Variants in TUBA4B observed in about 807,000 individuals in gnomAD.
TUBA4B encodes tubulin alpha 4b.
TUBA4B carries 13 observed loss-of-function variants against 18.4 expected under a neutral mutation model. The ratio of observed to expected loss-of-function variants is 0.71; its 90% CI spans 0.46 to 1.12. TUBA4B has a LOEUF of 1.12. TUBA4B is among the 50% of genes most tolerant of loss of function. TUBA4B has a pLI of 0.00. For missense variants in TUBA4B, 244 were observed against 250.0 expected, an observed-to-expected ratio of 0.98 and a Z score of 0.16; for synonymous variants, 101 against 99.1, an observed-to-expected ratio of 1.02 and a Z score of -0.11.
intron 2 of TUBA4B, among the ~76,000 whole-genome samples, chr2:219,268,105 C>CTTTTT (rs544596055): frequency 9.3e-5 from 11 of 118,716 alleles, no homozygotes; most frequent in East Asian, 8.3e-4. Flanking sequence ...AACTCATTAT[C>CTTTTT]TTTTTTTTTT....
intron 1 of TUBA4B, among the ~76,000 whole-genome samples, chr2:219,260,972 A>AAAATAAAT (rs371755421): frequency 1.3e-5 from 2 of 151,984 alleles, no homozygotes; most frequent in Admixed American, 6.6e-5. Flanking sequence ...TTCATCTAAA[A>AAAATAAAT]AAATAAATAA....
At chr2:219,255,535 A>AT (rs781422330) in intron 1 of TUBA4B, among the ~76,000 whole-genome samples, 4 of 151,704 alleles carry the variant, frequency 2.6e-5, no homozygotes, top group Non-Finnish European at 5.9e-5. Context: ...ACCCGGCCTT[A>AT]TTTTTTGTAT....
intron 1 of TUBA4B, among the ~76,000 whole-genome samples, chr2:219,255,510 G>A (rs1951711286): frequency 6.6e-6 from 1 of 152,120 alleles, no homozygotes; most frequent in African/African-American, 2.4e-5. Flanking sequence ...TGGGATTACA[G>A]GTGTGAGCCC....
intron 1 of TUBA4B, 42 bp downstream of exon 1, chr2:219,253,461 C>G: frequency 7.0e-7 from 1 of 1,421,608 alleles, no homozygotes; most frequent in South Asian, 1.2e-5. Flanking sequence ...AGCACGTGCT[C>G]GGTCAGTGCT....
intron 1 of TUBA4B, among the ~76,000 whole-genome samples, chr2:219,263,290 T>A (rs556096153): frequency 1.3e-5 from 2 of 152,244 alleles, no homozygotes; most frequent in African/African-American, 4.8e-5. Context: ...GTCAGGAGTT[T>A]GAAACCAGCC....
intron 2 of TUBA4B, among the ~76,000 whole-genome samples, 197 bp downstream of exon 2, chr2:219,266,763 T>A (rs1574893634): frequency 1.3e-5 from 2 of 149,434 alleles, no homozygotes; most frequent in African/African-American, 2.5e-5. Flanking sequence ...TCACAGGGGG[T>A]AGGGAAGGAA....
At chr2:219,269,095 T>C (rs1332558132) in intron 2 of TUBA4B, among the ~76,000 whole-genome samples, 1 of 152,152 alleles carries the variant, frequency 6.6e-6, no homozygotes, top group Non-Finnish European at 1.5e-5. Context: ...TGAGATTCTG[T>C]CTCAAGAAAA....
chr2:219,257,276 C>T (rs1211016468), intron 1 of TUBA4B, among the ~76,000 whole-genome samples: 1 of 148,862 alleles, frequency 6.7e-6, no homozygotes, highest in Non-Finnish European at 1.5e-5. Context: ...CTCCTGACCT[C>T]GTGATCCACC....
intron 1 of TUBA4B, chr2:219,254,013 C>T: frequency 1.4e-6 from 1 of 734,262 alleles, no homozygotes; most frequent in Non-Finnish European, 2.0e-6. Context: ...CCGCAGGCCA[C>T]GCCTCCCGGG....
chr2:219,257,821 A>C (rs571897721), intron 1 of TUBA4B, among the ~76,000 whole-genome samples: 2 of 147,998 alleles, frequency 1.4e-5, no homozygotes, highest in East Asian at 3.9e-4. Context: ...GTCTCAAAAA[A>C]AAAATATATA....
chr2:219,263,270 A>G (rs1248833074), intron 1 of TUBA4B, among the ~76,000 whole-genome samples: 1 of 152,154 alleles, frequency 6.6e-6, no homozygotes, highest in Non-Finnish European at 1.5e-5. Context: ...AGGCAGATGG[A>G]TCATCTGAGG....
intron 1 of TUBA4B, among the ~76,000 whole-genome samples, chr2:219,263,114 C>T (rs978863327): frequency 1.3e-5 from 2 of 152,176 alleles, no homozygotes; most frequent in African/African-American, 2.4e-5. Flanking sequence ...GCTTGGCATA[C>T]AGCAAGCACT....
chr2:219,256,977 T>C (rs1340954808), intron 1 of TUBA4B, among the ~76,000 whole-genome samples: 1 of 150,922 alleles, frequency 6.6e-6, no homozygotes, highest in Non-Finnish European at 1.5e-5. Flanking sequence ...GATTCTCCCC[T>C]AGAATTTCCA....
At chr2:219,257,109 T>C (rs1369048177) in intron 1 of TUBA4B, among the ~76,000 whole-genome samples, 2 of 144,002 alleles carry the variant, frequency 1.4e-5, no homozygotes, top group African/African-American at 2.6e-5. Context: ...AGTGGCGCGA[T>C]CTCGGCTCAC....
At chr2:219,266,054 G>T (rs1404475169) in intron 1 of TUBA4B, among the ~76,000 whole-genome samples, 1 of 152,126 alleles carries the variant, frequency 6.6e-6, no homozygotes, top group Non-Finnish European at 1.5e-5. Context: ...TCTCTTGGCC[G>T]AGGACTCATT....
intron 1 of TUBA4B, chr2:219,254,556 C>G (rs946192911): frequency 6.6e-6 from 1 of 152,308 alleles, no homozygotes; most frequent in Non-Finnish European, 1.5e-5. Flanking sequence ...CGGGGCCGAC[C>G]CCGGAATCTG....
chr2:219,255,639 G>A (rs1303658742), intron 1 of TUBA4B, among the ~76,000 whole-genome samples: 1 of 152,124 alleles, frequency 6.6e-6, no homozygotes, highest in Non-Finnish European at 1.5e-5. Flanking sequence ...CAAAGTGCTG[G>A]GATTACAGGC....
chr2:219,257,823 A>AT (rs1170953382), intron 1 of TUBA4B, among the ~76,000 whole-genome samples: 15 of 144,980 alleles, frequency 1.0e-4, no homozygotes, highest in African/African-American at 2.2e-4. Context: ...CTCAAAAAAA[A>AT]AATATATATA....
rs1951829684 is a variant in TUBA4B at position 219,271,869 on chromosome 2, C to T, written c.*170C>T. On this transcript the variant is annotated 3_prime_UTR_variant, in exon 4 of 4. Coordinates refer to ENST00000490341, the MANE Select transcript of TUBA4B (RefSeq NM_001355221.1). ...AGGTTGATATCAATCACCAGCCTCC[C>T]ACTGTGGTGCCTGGGAGTGACCTGG... 6.8e-7 allele frequency: 1 copy of T among 1,472,966 alleles called. No individual in the cohort carries two copies. Among genetic ancestry groups the T allele is most frequent in the African/African-American group, 1.4e-5 (1 of 71,922 alleles). 91.2% of individuals were successfully genotyped at this position (1,472,966 alleles called of 1,614,324 possible).
Sources: allele counts gnomAD v4.1 joint callset (sites outside exome capture counted in the v4.1 genomes callset), GRCh38; gene constraint gnomAD v4.1.1; transcripts MANE v1.5; gene names NCBI Gene and HGNC (gene_info 2026-07-23, HGNC 2026-07-21).